The following AK7 variants were observed in gnomAD, a reference collection of about 807,000 sequenced individuals.
AK7 encodes the protein ATP-AMP transphosphorylase 7.
Under a neutral mutation model 96.6 loss-of-function variants are expected in AK7, and 78 were observed. That is an observed-to-expected ratio of 0.81 (90% CI 0.67 to 0.97). The LOEUF (loss-of-function observed/expected upper bound fraction) is 0.97. AK7 is among the 50% of genes least tolerant of loss of function. AK7 has a pLI of 0.00. For missense variants in AK7, 855 were observed against 887.9 expected (o/e 0.96, Z 0.47); for synonymous variants, 302 against 317.2 (o/e 0.95, Z 0.51).
At chr14:96,456,110 G>T (rs150543006) in intron 10 of AK7, among the ~76,000 whole-genome samples, 1 of 151,718 alleles carries the variant, frequency 6.6e-6, no homozygotes, top group African/African-American at 2.4e-5. Context: ...ATGGTGGTGC[G>T]CACATGTAGT....
chr14:96,403,032 C>T (rs1377694793), intron 2 of AK7, among the ~76,000 whole-genome samples: 1 of 151,764 alleles, frequency 6.6e-6, no homozygotes, highest in Non-Finnish European at 1.5e-5. Context: ...GGGAGAATTG[C>T]TTGAATCTGG....
intron 8 of AK7, among the ~76,000 whole-genome samples, chr14:96,448,957 AAAAC>A (rs1019258725): frequency 6.8e-6 from 1 of 146,450 alleles, no homozygotes; most frequent in Non-Finnish European, 1.5e-5. Flanking sequence ...CCCTGTCTCA[AAAAC>A]AAACAAACAA....
chr14:96,450,575 A>C lies in AK7; in HGVS notation c.948+696A>C, dbSNP rs575761966. On this transcript the variant is annotated intron_variant, in intron 9 of 17. Transcript: ENST00000267584. ...GATTCCAATTCCATCACAACAAAAA[A>C]AAAAAAATAGGGTTTTTTGCAGTGT... Among the ~76,000 whole-genome samples the C allele has an allele frequency of 1.5e-3, 231 of 152,024 alleles. 3 individuals carry two copies. The highest frequency in any genetic ancestry group is 5.8e-4 in the East Asian group (3 of 5,182).
chr14:96,449,848 G>C lies in AK7; in HGVS notation c.917G>C (p.Arg306Thr). 6.2e-7 allele frequency: 1 copy of C among 1,610,084 alleles called. No individual in the cohort carries two copies. Among genetic ancestry groups the C allele is most frequent in the Non-Finnish European group, 8.5e-7 (1 of 1,178,436 alleles). Residue 306 changes from arginine (R) to threonine (T), a missense_variant, in exon 9 of 18, where the codon AGA becomes ACA. Arg to Thr is a moderately conservative substitution (Grantham distance 71). Transcript: ENST00000267584. ...CCTGGGAAAATCCAGAAAATACCCA[G>C]AGAAAATGCATACCTAACCAAGGAC... ...TGPGKIQKIPRENAYLTKDLT... is the reference protein window; with the variant it reads ...TGPGKIQKIPTENAYLTKDLT...
chr14:96,405,493 A>G (rs971785999), intron 3 of AK7, among the ~76,000 whole-genome samples: 5 of 152,144 alleles, frequency 3.3e-5, no homozygotes, highest in African/African-American at 4.8e-5. Context: ...CAAAACATTT[A>G]ACTTTTAAAA....
intron 5 of AK7, among the ~76,000 whole-genome samples, chr14:96,426,581 C>G (rs1892042062): frequency 6.6e-6 from 1 of 152,094 alleles, no homozygotes; most frequent in Non-Finnish European, 1.5e-5. Context: ...TTTAGTGTTT[C>G]TTGTAGGACA....
At chr14:96,467,405 G>A (rs1395929571) in intron 12 of AK7, among the ~76,000 whole-genome samples, 1 of 150,646 alleles carries the variant, frequency 6.6e-6, no homozygotes, top group Non-Finnish European at 1.5e-5. Flanking sequence ...GTGCAATCTC[G>A]GCTCACTGCA....
chr14:96,410,571 G>C (rs2140010238), intron 4 of AK7, among the ~76,000 whole-genome samples: 1 of 152,290 alleles, frequency 6.6e-6, no homozygotes, highest in South Asian at 2.1e-4. Context: ...GAGAAGAGAT[G>C]GTTCCCCAAA....
Position 96,392,147 on chromosome 14 carries a change from C to T in AK7, c.-8C>T. 1 of 1,609,070 alleles carries T rather than the reference C, an allele frequency of 6.2e-7. No homozygotes were observed. The highest frequency in any genetic ancestry group is 8.5e-7 in the Non-Finnish European group (1 of 1,175,642). On this transcript the variant is annotated 5_prime_UTR_variant, in exon 1 of 18. Transcript: ENST00000267584. Reference sequence around the variant, plus strand: ...GCTTTCACCTTAGCAACCAGCGCGGCTCCCACCATGGCTGAAGAAGAGGAA... The same window carrying T: ...GCTTTCACCTTAGCAACCAGCGCGGTTCCCACCATGGCTGAAGAAGAGGAA...
intron 5 of AK7, among the ~76,000 whole-genome samples, chr14:96,435,903 G>A (rs978726387): frequency 3.9e-5 from 6 of 152,020 alleles, no homozygotes; most frequent in Non-Finnish European, 8.8e-5. Context: ...TGGTGAGGGT[G>A]GGTGGCTTTG....
rs1251796502 is a variant in AK7 at position 96,482,994 on chromosome 14, T to TA, written c.1754-2dup. On this transcript the variant is annotated splice_region_variant and splice_polypyrimidine_tract_variant and intron_variant, in intron 15 of 17. Transcript: ENST00000267584. ...ATGTGTTGATCTCTCTCCTGGTATTTAAAGATGTAGGAAAACTTGAAGATG... is the reference window on the plus strand; with the variant it reads ...ATGTGTTGATCTCTCTCCTGGTATTTAAAAGATGTAGGAAAACTTGAAGATG... The TA allele has an allele frequency of 4.3e-6, 7 of 1,613,186 alleles. No individual in the cohort carries two copies. Among genetic ancestry groups the TA allele is most frequent in the Non-Finnish European group, 5.9e-6 (7 of 1,179,686 alleles).
At chr14:96,446,277 C>T (rs993369238) in intron 7 of AK7, among the ~76,000 whole-genome samples, 3 of 152,206 alleles carry the variant, frequency 2.0e-5, no homozygotes, top group Admixed American at 6.5e-5. Context: ...ACCTCAAAAG[C>T]TGGCTCTTCC....
At chr14:96,414,918 A>T (rs2140022269) in intron 4 of AK7, among the ~76,000 whole-genome samples, 1 of 152,050 alleles carries the variant, frequency 6.6e-6, no homozygotes, top group African/African-American at 2.4e-5. Flanking sequence ...ATGCCCAGCT[A>T]ATTTTTAAAA....
Position 96,483,212 on chromosome 14 carries a change from A to G in AK7, c.1967A>G (p.Glu656Gly), listed in dbSNP as rs1287835956. 1 of 1,598,348 alleles carries G rather than the reference A, an allele frequency of 6.3e-7. No homozygotes were observed. The highest frequency in any genetic ancestry group is 8.5e-7 in the Non-Finnish European group (1 of 1,172,920). The part of the protein sequence containing the change: ...VEMAEKIARW[E>G]EWNKRLEEVK... Reference sequence around the variant, plus strand: ...ATGGCAGAGAAGATAGCTCGCTGGGAGGAGTGGGTGAGTGGTGAGTGTGTT... The same window carrying G: ...ATGGCAGAGAAGATAGCTCGCTGGGGGGAGTGGGTGAGTGGTGAGTGTGTT... The change falls in exon 16 of 18, where the codon GAG becomes GGG. Residue 656 changes from glutamate (E) to glycine (G), a missense_variant. By Grantham distance (98) the Glu-to-Gly change is moderately conservative. Coordinates refer to ENST00000267584, the MANE Select transcript of AK7 (RefSeq NM_152327.5).
intron 5 of AK7, chr14:96,421,290 C>T (rs1309081440): frequency 1.2e-5 from 2 of 161,716 alleles, no homozygotes; most frequent in African/African-American, 4.8e-5. Flanking sequence ...CTATTAACCT[C>T]CTCTTATGAA....
intron 3 of AK7, among the ~76,000 whole-genome samples, chr14:96,407,579 TC>T (rs67777489): frequency 0.22 from 27,246 of 122,120 alleles, 3,057 homozygotes; most frequent in East Asian, 0.55. Context: ...TTCTTTCTTT[TC>T]TTTTTTTTTT....
intron 6 of AK7, among the ~76,000 whole-genome samples, chr14:96,438,424 T>C (rs1188545268): frequency 6.6e-6 from 1 of 152,138 alleles, no homozygotes; most frequent in African/African-American, 2.4e-5. Flanking sequence ...TTTCCAACGA[T>C]GTGACATTTG....
At chr14:96,410,004 G>T (rs1243175084) in intron 4 of AK7, among the ~76,000 whole-genome samples, 1 of 152,186 alleles carries the variant, frequency 6.6e-6, no homozygotes, top group South Asian at 2.1e-4. Context: ...ATACACCATT[G>T]ATCCCAGATA....
rs531985504 is a variant in AK7, at chr14:96,410,620, C to CCA, written c.498+1679_498+1680insCA. The stretch of plus-strand genomic sequence containing the variant: ...AGTGGCTCCTGTGTTAGCTCCTGTC[C>CCA]TTGTGGCATGCCCTCATCCTGTCAC... On this transcript the variant is annotated intron_variant, in intron 4 of 17. Coordinates refer to ENST00000267584, the MANE Select transcript of AK7 (RefSeq NM_152327.5). 9.8e-4 allele frequency among the ~76,000 whole-genome samples: 150 copies of CCA among 152,354 alleles called. 1 individual carries two copies. Among genetic ancestry groups the CCA allele is most frequent in the African/African-American group, 3.5e-3 (145 of 41,572 alleles).
Sources: allele counts gnomAD v4.1 joint callset (sites outside exome capture counted in the v4.1 genomes callset), GRCh38; gene constraint gnomAD v4.1.1; transcripts MANE v1.5; gene names NCBI Gene and HGNC (gene_info 2026-07-23, HGNC 2026-07-21).